The following SCMH1 variants were observed in gnomAD, a reference collection of about 807,000 sequenced individuals.
SCMH1 encodes polycomb protein SCMH1.
A neutral mutation model predicts 70.8 loss-of-function variants in SCMH1; 37 were observed. The ratio of observed to expected loss-of-function variants is 0.52; its 90% CI spans 0.40 to 0.69. The LOEUF (loss-of-function observed/expected upper bound fraction) is 0.69. Among genes scored for constraint, SCMH1 ranks in the 30% least tolerant of loss-of-function variants. The probability of loss-of-function intolerance (pLI) is 0.00; values close to 1 mark genes in which losing one functional copy is unlikely to be tolerated. For missense variants in SCMH1, 607 were observed against 827.3 expected (o/e 0.73, Z 3.27); for synonymous variants, 292 against 307.4 (o/e 0.95, Z 0.52).
chr1:41,081,835 T>C (rs1340602025), intron 8 of SCMH1, among the ~76,000 whole-genome samples: 1 of 150,772 alleles, frequency 6.6e-6, no homozygotes, highest in Non-Finnish European at 1.5e-5. Flanking sequence ...AAAAAAGACA[T>C]ATATTATTGG....
chr1:41,200,502 AATAATAATAATAAT>A (rs539105947), intron 1 of SCMH1, among the ~76,000 whole-genome samples: 149 of 107,822 alleles, frequency 1.4e-3, no homozygotes, highest in African/African-American at 3.7e-3. Flanking sequence ...TAAATGTAAT[AATAATAATAATAAT>A]ATAATAATAA....
intron 5 of SCMH1, among the ~76,000 whole-genome samples, chr1:41,150,822 AG>A (rs925905992): frequency 6.0e-5 from 9 of 151,046 alleles, no homozygotes; most frequent in Non-Finnish European, 1.3e-4. Flanking sequence ...CTGTAGTCCC[AG>A]CTACTCGGGA....
intron 1 of SCMH1, among the ~76,000 whole-genome samples, chr1:41,205,234 C>G (rs61779270): frequency 1.3e-4 from 20 of 152,236 alleles, no homozygotes. Flanking sequence ...CGAAGCATGA[C>G]GGGGCATCAC....
intron 4 of SCMH1, among the ~76,000 whole-genome samples, chr1:41,155,135 A>G (rs1022729917): frequency 6.6e-6 from 1 of 152,200 alleles, no homozygotes; most frequent in Non-Finnish European, 1.5e-5. Context: ...TGCTTATAAA[A>G]GTGTTTTTAT....
intron 8 of SCMH1, among the ~76,000 whole-genome samples, chr1:41,100,723 G>A (rs1380305004): frequency 3.3e-5 from 5 of 151,900 alleles, no homozygotes; most frequent in African/African-American, 9.7e-5. Flanking sequence ...CTGCCACCAC[G>A]CCCAGCTCAT....
At chr1:41,140,552 A>G (rs1035764843) in intron 6 of SCMH1, among the ~76,000 whole-genome samples, 17 of 152,114 alleles carry the variant, frequency 1.1e-4, no homozygotes, top group African/African-American at 4.1e-4. Context: ...CGGCCTCCCA[A>G]AGTGCTGGGA....
At chr1:41,177,879 T>C (rs1011201613) in intron 2 of SCMH1, among the ~76,000 whole-genome samples, 1 of 152,082 alleles carries the variant, frequency 6.6e-6, no homozygotes, top group Non-Finnish European at 1.5e-5. Context: ...ATTCAGGAAA[T>C]ACAGAGAATG....
Position 41,085,966 on chromosome 1 carries a change from G to A in SCMH1, c.746-10515C>T, listed in dbSNP as rs372408403. On this transcript the variant is annotated intron_variant, in intron 8 of 14. Coordinates refer to ENST00000337495, the Ensembl canonical transcript of SCMH1. ...AGCGATTCTCCTGCCTCAGCCTCCT[G>A]AGTAGTTGGGATTACAGGTACCCAC... is the stretch of plus-strand genomic sequence containing the variant. Among the ~76,000 whole-genome samples, 491 of 150,038 alleles carry A rather than the reference G, an allele frequency of 3.3e-3. 1 individual carries two copies. Among genetic ancestry groups the A allele is most frequent in the African/African-American group, 0.011 (461 of 40,784 alleles).
rs1668807779 is a variant in SCMH1, at chr1:41,109,725, A to G, written c.745+3558T>C. Among the ~76,000 whole-genome samples the G allele has an allele frequency of 2.0e-5, 3 of 152,308 alleles. No individual in the cohort carries two copies. In the South Asian group the frequency reaches 6.2e-4, roughly 32 times the overall value. On this transcript the variant is annotated intron_variant, in intron 8 of 14. Coordinates refer to ENST00000337495, the Ensembl canonical transcript of SCMH1. ...TTGAAAATCTAAGGACTCCAGAGAC[A>G]CAGAAGAGAGGAAAACAGTCAGCAA...
chr1:41,171,975 T>A (rs1413612107), intron 2 of SCMH1, among the ~76,000 whole-genome samples: 1 of 152,132 alleles, frequency 6.6e-6, no homozygotes, highest in Non-Finnish European at 1.5e-5. Context: ...AAGTATCACT[T>A]GAGCCCAGGA....
intron 6 of SCMH1, among the ~76,000 whole-genome samples, chr1:41,133,176 G>GTATCCGTGAGCT (rs1557593524): frequency 6.0e-4 from 92 of 152,092 alleles, no homozygotes; most frequent in African/African-American, 2.0e-3. Flanking sequence ...ATCCGTGAGC[G>GTATCCGTGAGCT]TGGAATGTTC....
chr1:41,071,005 C>A (rs1353236711), intron 9 of SCMH1, among the ~76,000 whole-genome samples: 1 of 151,928 alleles, frequency 6.6e-6, no homozygotes, highest in African/African-American at 2.4e-5. Flanking sequence ...AGTTTCAGAT[C>A]CCTTATTAGT....
chr1:41,163,710 T>C (rs1646225314), intron 2 of SCMH1, among the ~76,000 whole-genome samples: 1 of 152,210 alleles, frequency 6.6e-6, no homozygotes. Context: ...GCCTTGATCT[T>C]AGACTTCTAG....
At chr1:41,224,718 T>C (rs557512296) in intron 1 of SCMH1, among the ~76,000 whole-genome samples, 29 of 152,354 alleles carry the variant, frequency 1.9e-4, no homozygotes, top group Non-Finnish European at 4.0e-4. Context: ...ATAGAGCTGA[T>C]AGTAAATAGC....
At position 41,066,225 on chromosome 1, in the gene SCMH1, T is replaced by C. The variant is rs536291479; in HGVS notation, c.1105+4370A>G. Among the ~76,000 whole-genome samples the C allele has an allele frequency of 5.3e-5, 8 of 152,296 alleles. No individual in the cohort carries two copies. In the East Asian group the frequency reaches 7.7e-4, roughly 15 times the overall value. On this transcript the variant is annotated intron_variant, in intron 10 of 14. Transcript: ENST00000337495. ...CCCAGTGCAAGCTCCTCCCCTGGAA[T>C]AGTTCCCTCTCCTGGTCTTCTGGCA...
intron 1 of SCMH1, among the ~76,000 whole-genome samples, chr1:41,217,876 TTG>T (rs1658440842): frequency 6.6e-6 from 1 of 152,180 alleles, no homozygotes; most frequent in Non-Finnish European, 1.5e-5. Context: ...CCCTGCTGGG[TTG>T]TGAACTTACT....
chr1:41,068,676 G>A (rs1005526584), intron 10 of SCMH1, among the ~76,000 whole-genome samples: 1 of 152,140 alleles, frequency 6.6e-6, no homozygotes, highest in Admixed American at 6.5e-5. Context: ...AAAGTGCTGG[G>A]ATTACAGGCG....
At chr1:41,205,529 C>G (rs536337783) in intron 1 of SCMH1, among the ~76,000 whole-genome samples, 2 of 151,968 alleles carry the variant, frequency 1.3e-5, no homozygotes, top group African/African-American at 2.4e-5. Context: ...TGCATCCTCG[C>G]GGGGGGGAGG....
chr1:41,152,457 A>G (rs1240386080), intron 4 of SCMH1: 17 of 879,094 alleles, frequency 1.9e-5, no homozygotes, highest in African/African-American at 3.4e-5. Flanking sequence ...TAGATAAACA[A>G]TCTTCAAGGT....
Sources: allele counts gnomAD v4.1 joint callset (sites outside exome capture counted in the v4.1 genomes callset), GRCh38; gene constraint gnomAD v4.1.1; transcripts MANE v1.5; gene names NCBI Gene and HGNC (gene_info 2026-07-23, HGNC 2026-07-21).